The following XYLB variants were observed in gnomAD, a reference collection of about 807,000 sequenced individuals.
The protein encoded by XYLB is xylulokinase, also known as xylulose kinase.
A neutral mutation model predicts 78.7 loss-of-function variants in XYLB; 62 were observed. That is an observed-to-expected ratio of 0.79 (90% CI 0.64 to 0.97). XYLB has a LOEUF of 0.97. Ranked by LOEUF, XYLB falls within the 50% of genes least tolerant of loss-of-function variation. The pLI, the probability that XYLB is intolerant of heterozygous loss-of-function variation, is 0.00. For synonymous variants in XYLB, 245 were observed against 247.4 expected (o/e 0.99, Z 0.09); for missense variants, 687 against 676.8 (o/e 1.02, Z -0.17).
At chr3:38,379,106 C>G in intron 14 of XYLB, 140 bp from the exon 15 acceptor site, 1 of 752,170 alleles carries the variant, frequency 1.3e-6, no homozygotes, top group Non-Finnish European at 2.3e-6. Context: ...GTGTGACAGG[C>G]AAAGATAGTG....
the XYLB span, among the ~76,000 whole-genome samples, chr3:38,432,482 G>A: frequency 6.6e-5 from 10 of 152,224 alleles, no homozygotes; most frequent in East Asian, 1.5e-3. Flanking sequence ...CAGGAGAATC[G>A]CTTGAACCCA....
At chr3:38,441,320 C>T in the XYLB span, among the ~76,000 whole-genome samples, 13 of 152,234 alleles carry the variant, frequency 8.5e-5, no homozygotes, top group Middle Eastern at 3.2e-3. Flanking sequence ...GTTCTACTAA[C>T]TGATCGCTGG....
intron 13 of XYLB, among the ~76,000 whole-genome samples, chr3:38,376,477 G>T (rs1046029466): frequency 6.6e-6 from 1 of 152,214 alleles, no homozygotes; most frequent in Non-Finnish European, 1.5e-5. Context: ...CCATAGCTAT[G>T]TCTTCTGTCC....
intron 3 of XYLB, 25 bp downstream of exon 3, chr3:38,360,433 C>G (rs772747964): frequency 6.5e-7 from 1 of 1,546,984 alleles, no homozygotes; most frequent in African/African-American, 1.4e-5. Context: ...TCCTATTCTC[C>G]TTCTATCCCC....
chr3:38,393,999 C>T (rs1027269488), intron 15 of XYLB, among the ~76,000 whole-genome samples: 44 of 152,038 alleles, frequency 2.9e-4, no homozygotes, highest in African/African-American at 1.0e-3. Context: ...ATTGTCTGAG[C>T]TGTTTATAGG....
chr3:38,427,023 A>G, the XYLB span, among the ~76,000 whole-genome samples: 4 of 152,266 alleles, frequency 2.6e-5, no homozygotes, highest in East Asian at 1.9e-4. Flanking sequence ...TCTGCTCCTC[A>G]CTGAGATTGC....
At position 38,368,301 on chromosome 3, in the gene XYLB, T is replaced by A. The variant is rs1170111728; in HGVS notation, c.646+44T>A. Reference sequence around the variant, plus strand: ...GGTGGGTGCCTGGGCAGTGTGCATGTGGCATGTGGGTGTGCAAGCAGTGGG... The same window carrying A: ...GGTGGGTGCCTGGGCAGTGTGCATGAGGCATGTGGGTGTGCAAGCAGTGGG... On this transcript the variant is annotated intron_variant, in intron 8 of 18. Coordinates refer to ENST00000207870, the MANE Select transcript of XYLB (RefSeq NM_005108.4). 1.9e-6 allele frequency: 3 copies of A among 1,584,102 alleles called. No homozygotes were observed. The South Asian group carries it at 3.3e-5, about 18-fold the overall frequency.
chr3:38,364,156 G>A (rs1284398834), intron 4 of XYLB, among the ~76,000 whole-genome samples: 1 of 151,848 alleles, frequency 6.6e-6, no homozygotes, highest in Non-Finnish European at 1.5e-5. Flanking sequence ...TCCTTTCTGG[G>A]TTCTCTTTCT....
Position 38,365,647 on chromosome 3 carries a change from T to C in XYLB, c.418T>C (p.Ser140Pro), listed in dbSNP as rs754547322. ...SISDCPVWMDSSTTAQCRQLE... is the reference protein window; with the variant it reads ...SISDCPVWMDPSTTAQCRQLE... ...CAGCGACTGCCCGGTGTGGATGGAC[T>C]CCAGCACCACAGCCCAGTGCCGCCA... The change falls in exon 6 of 19, where the codon TCC (serine) becomes CCC (proline). Residue 140 changes from serine (S) to proline (P), a missense_variant. Transcript: ENST00000207870. 1 of 1,613,996 alleles carries C rather than the reference T, an allele frequency of 6.2e-7. No individual in the cohort carries two copies. Among genetic ancestry groups the C allele is most frequent in the South Asian group, 1.1e-5 (1 of 91,074 alleles).
downstream of XYLB, among the ~76,000 whole-genome samples, chr3:38,425,243 A>C (rs557599689): frequency 6.6e-6 from 1 of 152,214 alleles, no homozygotes; most frequent in African/African-American, 2.4e-5. Flanking sequence ...ATCTTCTGCA[A>C]TGCTTCACAG....
chr3:38,445,542 A>C, the XYLB span, among the ~76,000 whole-genome samples: 1 of 152,214 alleles, frequency 6.6e-6, no homozygotes, highest in Non-Finnish European at 1.5e-5. Context: ...GATAGATAGG[A>C]TAGATGGGCA....
Position 38,400,994 on chromosome 3 carries a change from C to G in XYLB, c.1533+9C>G. The stretch of plus-strand genomic sequence containing the variant: ...GCCCGGGAGCTTCTCAGGTGAGAGA[C>G]CATCGGAATTTGTTTGTAGCATTTG... On this transcript the variant is annotated intron_variant, in intron 18 of 18. Transcript: ENST00000207870. 1 of 1,613,358 alleles carries G rather than the reference C, an allele frequency of 6.2e-7. No homozygotes were observed. The highest frequency in any genetic ancestry group is 1.1e-5 in the South Asian group (1 of 91,064).
chr3:38,370,273 A>G lies in XYLB; in HGVS notation c.765+99A>G, dbSNP rs1706488190. ...ACACACACACACACACACACTCTGC[A>G]CACACCCTTATTTGTTCACTCACCC... On this transcript the variant is annotated intron_variant, in intron 9 of 18. Coordinates refer to ENST00000207870, the MANE Select transcript of XYLB (RefSeq NM_005108.4). The G allele has an allele frequency of 2.9e-5, 5 of 174,562 alleles. No individual in the cohort carries two copies. The South Asian group carries it at 1.2e-3, about 41-fold the overall frequency. The allele number at this position is 174,562 out of a possible 1,614,324, so 10.8% of individuals were successfully genotyped here.
chr3:38,382,049 C>T (rs1042290263), intron 15 of XYLB, among the ~76,000 whole-genome samples: 1 of 152,170 alleles, frequency 6.6e-6, no homozygotes, highest in Non-Finnish European at 1.5e-5. Context: ...CCCCCAGACA[C>T]CCAGCTTTAA....
chr3:38,401,008 T>C (rs779643578), intron 18 of XYLB, 23 bp downstream of exon 18: 1 of 1,609,236 alleles, frequency 6.2e-7, no homozygotes, highest in Middle Eastern at 1.7e-4. Flanking sequence ...CGGAATTTGT[T>C]TGTAGCATTT....
At chr3:38,440,233 C>A in the XYLB span, among the ~76,000 whole-genome samples, 1 of 152,148 alleles carries the variant, frequency 6.6e-6, no homozygotes, top group Non-Finnish European at 1.5e-5. Context: ...TTTTAGCAAG[C>A]TTTACTTTTG....
intron 18 of XYLB, 141 bp from the exon 19 acceptor site, chr3:38,412,795 T>C (rs1708648503): frequency 1.4e-6 from 1 of 690,268 alleles, no homozygotes; most frequent in East Asian, 3.2e-5. Flanking sequence ...TTTCCTCTTT[T>C]GTGAATTGAT....
Position 38,395,483 on chromosome 3 carries a change from A to G in XYLB, c.1292-22A>G, listed in dbSNP as rs748394769. 6 of 1,613,624 alleles carry G rather than the reference A, an allele frequency of 3.7e-6. No homozygotes were observed. The South Asian group carries it at 6.6e-5, about 18-fold the overall frequency. On this transcript the variant is annotated intron_variant, in intron 15 of 18. Coordinates refer to ENST00000207870, the MANE Select transcript of XYLB (RefSeq NM_005108.4). ...TTGGGAGAACTGGCATAGCTATTTTACTTTTTTCTTTTCCCTTGCAGTGTC... is the reference window on the plus strand; with the variant it reads ...TTGGGAGAACTGGCATAGCTATTTTGCTTTTTTCTTTTCCCTTGCAGTGTC...
At chr3:38,442,857 T>G in the XYLB span, among the ~76,000 whole-genome samples, 4 of 151,998 alleles carry the variant, frequency 2.6e-5, no homozygotes, top group African/African-American at 9.7e-5. Context: ...TTTAGCCTGA[T>G]TTGGATTGGG....
Sources: gnomAD v4.1 joint callset for allele counts (sites outside exome capture counted in the v4.1 genomes callset) on GRCh38, gnomAD v4.1.1 for gene constraint, MANE v1.5 for transcripts, NCBI Gene and HGNC (gene_info 2026-07-23, HGNC 2026-07-21) for gene names.